Variants in SLC37A1 observed in about 807,000 individuals in gnomAD.
SLC37A1 encodes the protein solute carrier family 37 member 1, also known as glucose-6-phosphate exchanger SLC37A1.
In SLC37A1, 49 loss-of-function variants were observed where a neutral mutation model predicts 75.3. That is an observed-to-expected ratio of 0.65 (90% CI 0.52 to 0.83). The LOEUF (loss-of-function observed/expected upper bound fraction) is 0.83, where lower values mean the gene tolerates loss of function less well. Ranked by LOEUF, SLC37A1 falls within the 40% of genes least tolerant of loss-of-function variation. The pLI, the probability that SLC37A1 is intolerant of heterozygous loss-of-function variation, is 0.00. For synonymous variants in SLC37A1, 268 were observed against 292.1 expected, an observed-to-expected ratio of 0.92 and a Z score of 0.84; for missense variants, 566 against 695.0, an observed-to-expected ratio of 0.81 and a Z score of 2.09.
At position 42,545,729 on chromosome 21, in the gene SLC37A1, G is replaced by GGGGT. The variant is rs2055392020; in HGVS notation, c.731-1372_731-1369dup. On this transcript the variant is annotated intron_variant, in intron 8 of 19. Coordinates refer to ENST00000352133, the MANE Select transcript of SLC37A1 (RefSeq NM_001320537.2). The surrounding 1 kb of genome is among the most constrained non-coding windows in gnomAD (Gnocchi z 4.0). ...CATCACACTGTGAGTGGATACCGAT[G>GGGGT]GGGTGAGTTGGCTGATGTCCTTTAA... is the stretch of plus-strand genomic sequence containing the variant. 6.6e-6 allele frequency among the ~76,000 whole-genome samples: 1 copy of GGGGT among 152,232 alleles called. No homozygotes were observed. Among genetic ancestry groups the GGGGT allele is most frequent in the East Asian group, 1.9e-4 (1 of 5,198 alleles).
chr21:42,528,592 G>A (rs1454002050), intron 3 of SLC37A1, among the ~76,000 whole-genome samples: 1 of 152,180 alleles, frequency 6.6e-6, no homozygotes, highest in Non-Finnish European at 1.5e-5. Context: ...TTGGGAGGCC[G>A]AGGTGGGCGG....
chr21:42,562,603 C>G (rs1027828269), intron 12 of SLC37A1, among the ~76,000 whole-genome samples: 3 of 152,158 alleles, frequency 2.0e-5, no homozygotes, highest in African/African-American at 7.2e-5. Context: ...CGACAGTTTG[C>G]TTTATGTTTC....
At chr21:42,538,026 TG>T (rs2055184798) in intron 5 of SLC37A1, among the ~76,000 whole-genome samples, 1 of 152,212 alleles carries the variant, frequency 6.6e-6, no homozygotes, top group Non-Finnish European at 1.5e-5. Flanking sequence ...TAATGTGAAA[TG>T]GTGTTTGTTC....
intron 8 of SLC37A1, among the ~76,000 whole-genome samples, chr21:42,546,092 G>A (rs1007715941): frequency 2.4e-4 from 37 of 152,222 alleles, no homozygotes; most frequent in African/African-American, 7.0e-4. Flanking sequence ...TGGGTTGCAA[G>A]GCAGTAACCA....
intron 3 of SLC37A1, among the ~76,000 whole-genome samples, chr21:42,532,623 C>T (rs2055018322): frequency 6.6e-6 from 1 of 152,150 alleles, no homozygotes; most frequent in Non-Finnish European, 1.5e-5. Flanking sequence ...GCCACAGATA[C>T]CAGCTTGATA....
chr21:42,579,745 C>G lies in SLC37A1; in HGVS notation c.1531C>G (p.Arg511Gly). 1 of 1,614,150 alleles carries G rather than the reference C, an allele frequency of 6.2e-7. No homozygotes were observed. Among genetic ancestry groups the G allele is most frequent in the South Asian group, 1.1e-5 (1 of 91,082 alleles). ...ADACALLFLIRLIHKELSCPG... is the reference protein window; with the variant it reads ...ADACALLFLIGLIHKELSCPG... ...CTTTGTTTTGGTGCAGTTCCTGATC[C>G]GCCTCATACACAAGGAGCTGAGCTG... Residue 511 changes from arginine to glycine, a missense_variant, in exon 19 of 20, where the codon CGC becomes GGC. By Grantham distance (125) the Arg-to-Gly change is moderately radical. Transcript: ENST00000352133.
chr21:42,520,972 G>C (rs1273498437), intron 2 of SLC37A1, among the ~76,000 whole-genome samples: 1 of 152,216 alleles, frequency 6.6e-6, no homozygotes, highest in African/African-American at 2.4e-5. Flanking sequence ...GATTCGGCGA[G>C]TCCTACTGAT....
chr21:42,525,057 G>T (rs554231914), intron 2 of SLC37A1, among the ~76,000 whole-genome samples: 1 of 152,222 alleles, frequency 6.6e-6, no homozygotes, highest in Admixed American at 6.5e-5. Flanking sequence ...CTCCCTCAAC[G>T]ACAGCGTTTG....
At chr21:42,544,823 C>T (rs144611842) in intron 8 of SLC37A1, among the ~76,000 whole-genome samples, 286 of 152,330 alleles carry the variant, frequency 1.9e-3, no homozygotes, top group Non-Finnish European at 3.0e-3. Flanking sequence ...GAGTTCTGTG[C>T]CCCTGCGCTC....
At chr21:42,569,292 C>G (rs1420808509) in intron 17 of SLC37A1, among the ~76,000 whole-genome samples, 1 of 152,210 alleles carries the variant, frequency 6.6e-6, no homozygotes, top group African/African-American at 2.4e-5. Flanking sequence ...TCTTGGCTGC[C>G]CCTGGCCTTG....
At position 42,548,872 on chromosome 21, in the gene SLC37A1, G is replaced by A. The variant is rs995090780; in HGVS notation, c.768+1732G>A. Among the ~76,000 whole-genome samples the A allele has an allele frequency of 1.3e-4, 20 of 152,278 alleles. No individual in the cohort carries two copies. The highest frequency in any genetic ancestry group is 6.2e-4 in the South Asian group (3 of 4,806). ...GGGCAGCACCTGGCCTCGTGCGGGA[G>A]GGGGGCCAGAGTCCTTTTTCTGTCT... On this transcript the variant is annotated intron_variant, in intron 9 of 19. Transcript: ENST00000352133. The surrounding 1 kb of genome is among the most constrained non-coding windows in gnomAD (Gnocchi z 5.6).
At position 42,545,121 on chromosome 21, in the gene SLC37A1, T is replaced by C. The variant is rs1261161415; in HGVS notation, c.730+1519T>C. ...TTGTGAATAAGCCTCCCTGATCCAA[T>C]TTGGGCAGATAGCAATGAGCCAGAT... On this transcript the variant is annotated intron_variant, in intron 8 of 19. Transcript: ENST00000352133. The surrounding 1 kb of genome is among the most constrained non-coding windows in gnomAD (Gnocchi z 4.0). 6.6e-6 allele frequency among the ~76,000 whole-genome samples: 1 copy of C among 152,202 alleles called. No homozygotes were observed. Among genetic ancestry groups the C allele is most frequent in the Non-Finnish European group, 1.5e-5 (1 of 68,036 alleles).
rs1362830572 is a variant in SLC37A1 at position 42,518,331 on chromosome 21, T to A, written c.-124T>A. 1 of 1,254,078 alleles carries A rather than the reference T, an allele frequency of 8.0e-7. No homozygotes were observed. The highest frequency in any genetic ancestry group is 1.5e-5 in the African/African-American group (1 of 67,938). The allele number at this position is 1,254,078 out of a possible 1,614,324, so 77.7% of individuals were successfully genotyped here. ...ACAAGACCCAGCAGGACACCTTCTTTCCACGCTTTCCAGCCTGTGGGAGCG... is the reference window on the plus strand; with the variant it reads ...ACAAGACCCAGCAGGACACCTTCTTACCACGCTTTCCAGCCTGTGGGAGCG... On this transcript the variant is annotated 5_prime_UTR_variant, in exon 2 of 20. Transcript: ENST00000352133.
chr21:42,550,065 G>A (rs2055519636), intron 9 of SLC37A1, among the ~76,000 whole-genome samples: 1 of 152,172 alleles, frequency 6.6e-6, no homozygotes, highest in Non-Finnish European at 1.5e-5. Flanking sequence ...ACTTCAGTAT[G>A]TTTCCAAAAT....
chr21:42,526,416 T>G lies in SLC37A1; in HGVS notation c.138+559T>G, dbSNP rs780628794. On this transcript the variant is annotated intron_variant, in intron 3 of 19. Transcript: ENST00000352133. ...CTCATTGGGATTACGTCACCCGGCC[T>G]GTAGACCATCAGGGGCCTGAGAGGC... Among the ~76,000 whole-genome samples, 2 of 152,264 alleles carry G rather than the reference T, an allele frequency of 1.3e-5. 1 individual carries two copies. The highest frequency in any genetic ancestry group is 4.1e-4 in the South Asian group (2 of 4,838).
chr21:42,502,214 T>C (rs1449390287), intron 1 of SLC37A1: 1 of 152,202 alleles, frequency 6.6e-6, no homozygotes, highest in Non-Finnish European at 1.5e-5. Context: ...AGTAAATAGA[T>C]GAATGAGTAA....
rs2055392370 is a variant in SLC37A1 at position 42,545,739 on chromosome 21, G to A, written c.731-1364G>A. Among the ~76,000 whole-genome samples, 1 of 152,230 alleles carries A rather than the reference G, an allele frequency of 6.6e-6. No individual in the cohort carries two copies. The highest frequency in any genetic ancestry group is 2.4e-5 in the African/African-American group (1 of 41,458). Reference sequence around the variant, plus strand: ...TGAGTGGATACCGATGGGGTGAGTTGGCTGATGTCCTTTAAATTGGTGACC... The same window carrying A: ...TGAGTGGATACCGATGGGGTGAGTTAGCTGATGTCCTTTAAATTGGTGACC... On this transcript the variant is annotated intron_variant, in intron 8 of 19. Coordinates refer to ENST00000352133, the MANE Select transcript of SLC37A1 (RefSeq NM_001320537.2). This position sits in a 1 kb window ranked among gnomAD's most constrained non-coding sequence, Gnocchi z 4.0.
intron 10 of SLC37A1, 74 bp downstream of exon 10, chr21:42,554,216 C>T: frequency 3.1e-6 from 4 of 1,292,760 alleles, no homozygotes; most frequent in Non-Finnish European, 3.3e-6. Flanking sequence ...CGTCGGCTCT[C>T]TGTCCCTCTG....
intron 2 of SLC37A1, among the ~76,000 whole-genome samples, chr21:42,505,781 A>T (rs754101681): frequency 1.4e-4 from 22 of 152,202 alleles, no homozygotes; most frequent in Non-Finnish European, 2.9e-4. Flanking sequence ...AAACCAGAAA[A>T]TTTCTGATTT....
Sources: gnomAD v4.1 joint callset for allele counts (sites outside exome capture counted in the v4.1 genomes callset) on GRCh38, gnomAD v4.1.1 for gene constraint, Gnocchi (gnomAD v3.1) non-coding constraint, MANE v1.5 for transcripts, NCBI Gene and HGNC (gene_info 2026-07-23, HGNC 2026-07-21) for gene names.